Variants in NFIB observed in about 807,000 individuals in gnomAD.
The protein encoded by NFIB is nuclear factor I B.
In NFIB, 11 loss-of-function variants were observed where a neutral mutation model predicts 61.5. The observed-to-expected ratio is 0.18, with a 90% confidence interval of 0.11 to 0.30. The LOEUF (loss-of-function observed/expected upper bound fraction) is 0.30, where lower values mean the gene tolerates loss of function less well. Ranked by LOEUF, NFIB falls within the 10% of genes least tolerant of loss-of-function variation. The pLI is 1.00. For synonymous variants in NFIB, 260 were observed against 216.5 expected (o/e 1.20, Z -1.76); for missense variants, 471 against 608.9 (o/e 0.77, Z 2.38).
chr9:14,515,119 T>C, the NFIB span, among the ~76,000 whole-genome samples: 2 of 151,918 alleles, frequency 1.3e-5, no homozygotes, highest in African/African-American at 2.4e-5. Flanking sequence ...TGGCGGTTGT[T>C]AGAAAAAACT....
At chr9:14,453,011 A>T in the NFIB span, among the ~76,000 whole-genome samples, 1 of 152,216 alleles carries the variant, frequency 6.6e-6, no homozygotes, top group Non-Finnish European at 1.5e-5. Flanking sequence ...ATTGCTTTGT[A>T]ACGTGGTGCC....
chr9:14,100,553 CA>C (rs541928840), intron 10 of NFIB, among the ~76,000 whole-genome samples: 74 of 151,612 alleles, frequency 4.9e-4, no homozygotes, highest in Admixed American at 1.3e-3. Flanking sequence ...CTAAAAAATA[CA>C]AAAAAATTAG....
intron 3 of NFIB, among the ~76,000 whole-genome samples, chr9:14,163,297 A>G (rs1385998135): frequency 1.3e-5 from 2 of 152,054 alleles, no homozygotes; most frequent in Non-Finnish European, 2.9e-5. Context: ...GGGATAAAAT[A>G]AAATACATAA....
chr9:14,522,538 A>G, the NFIB span, among the ~76,000 whole-genome samples: 18 of 152,188 alleles, frequency 1.2e-4, no homozygotes, highest in African/African-American at 4.3e-4. Flanking sequence ...CCACGATTCC[A>G]CCTAACAGGA....
chr9:14,167,069 TTG>T (rs59482775), intron 3 of NFIB, among the ~76,000 whole-genome samples: 87,989 of 127,788 alleles, frequency 0.69, 30,639 homozygotes, highest in Middle Eastern at 0.77. Context: ...GGGCATATTG[TTG>T]TGTGTGTGTG....
rs373133545 is a variant in NFIB at position 14,085,421 on chromosome 9, A to G, written c.*2888T>C. ...GGCAAAATAAAACCAGCCTCCATTC[A>G]GCCTCTAGCCCTCAGGGGAAACGAA... On this transcript the variant is annotated 3_prime_UTR_variant, in exon 11 of 11. Transcript: ENST00000380953. 59 of 222,284 alleles carry G rather than the reference A, an allele frequency of 2.7e-4. No individual in the cohort carries two copies. The highest frequency in any genetic ancestry group is 9.0e-4 in the African/African-American group (40 of 44,672). 13.8% of individuals were successfully genotyped at this position (222,284 alleles called of 1,614,324 possible). A position where few individuals can be genotyped will look rare whatever the true frequency, so the allele number is the denominator to read the frequency against.
the NFIB span, among the ~76,000 whole-genome samples, chr9:14,407,841 G>A: frequency 1.4e-4 from 22 of 152,104 alleles, 1 homozygote; most frequent in Admixed American, 1.2e-3. Flanking sequence ...GTGTACCACC[G>A]TGCTCATCTA....
At chr9:14,487,548 C>T in the NFIB span, among the ~76,000 whole-genome samples, 345 of 152,226 alleles carry the variant, frequency 2.3e-3, 10 homozygotes, top group East Asian at 0.056. Flanking sequence ...CCTGACCCCA[C>T]CCCCAAATTC....
chr9:14,222,195 C>G (rs1197474303), intron 2 of NFIB, among the ~76,000 whole-genome samples: 1 of 152,180 alleles, frequency 6.6e-6, no homozygotes, highest in Non-Finnish European at 1.5e-5. Flanking sequence ...TACTAACTTT[C>G]AAGAACACAG....
intron 2 of NFIB, among the ~76,000 whole-genome samples, chr9:14,197,110 C>T (rs1450133102): frequency 6.6e-6 from 1 of 152,194 alleles, no homozygotes; most frequent in South Asian, 2.1e-4. Context: ...ATCTACATTA[C>T]TTTGCAATCC....
the NFIB span, among the ~76,000 whole-genome samples, chr9:14,423,164 A>T: frequency 6.6e-6 from 1 of 152,146 alleles, no homozygotes; most frequent in East Asian, 1.9e-4. Flanking sequence ...TACATACATC[A>T]TGTTTTATTT....
At chr9:14,236,522 G>A (rs1428759314) in intron 2 of NFIB, among the ~76,000 whole-genome samples, 2 of 152,208 alleles carry the variant, frequency 1.3e-5, no homozygotes, top group African/African-American at 2.4e-5. Context: ...TTAGGACGAT[G>A]CATGTGGAAT....
At chr9:14,126,887 T>C (rs530147799) in intron 6 of NFIB, among the ~76,000 whole-genome samples, 63 of 152,310 alleles carry the variant, frequency 4.1e-4, no homozygotes, top group South Asian at 2.1e-4. Context: ...ACCGAATGTA[T>C]GCCACATGCT....
At chr9:14,451,032 A>C in the NFIB span, among the ~76,000 whole-genome samples, 7 of 152,234 alleles carry the variant, frequency 4.6e-5, no homozygotes, top group African/African-American at 1.7e-4. Flanking sequence ...TATTTAGAGC[A>C]GGGATTTTGG....
intron 2 of NFIB, among the ~76,000 whole-genome samples, chr9:14,197,154 A>C (rs1353204418): frequency 3.9e-5 from 6 of 152,218 alleles, no homozygotes; most frequent in Non-Finnish European, 7.3e-5. Context: ...GACCCTTTAC[A>C]ATTACCAGAA....
At chr9:14,278,147 C>G (rs1442042265) in intron 2 of NFIB, among the ~76,000 whole-genome samples, 1 of 152,170 alleles carries the variant, frequency 6.6e-6, no homozygotes, top group Non-Finnish European at 1.5e-5. Flanking sequence ...TAATTAGAAT[C>G]AATGCAGTAA....
chr9:14,276,490 T>C (rs2058009271), intron 2 of NFIB, among the ~76,000 whole-genome samples: 1 of 152,138 alleles, frequency 6.6e-6, no homozygotes, highest in African/African-American at 2.4e-5. Context: ...TAAATTGTAA[T>C]ACAAATGTAC....
Position 14,205,897 on chromosome 9 carries a change from G to T in NFIB, c.563-26117C>A, listed in dbSNP as rs536123803. ...TAATGTCTCTTTAATCGTATATTTT[G>T]AATAATGTCTATTCTCCAGTAGTCA... is the stretch of plus-strand genomic sequence containing the variant. On this transcript the variant is annotated intron_variant, in intron 2 of 10. Transcript: ENST00000380953. Among the ~76,000 whole-genome samples the T allele has an allele frequency of 2.0e-4, 31 of 151,446 alleles. 1 individual carries two copies. In the South Asian group the frequency reaches 6.0e-3, roughly 29 times the overall value.
At chr9:14,123,908 T>C (rs548529824) in intron 7 of NFIB, among the ~76,000 whole-genome samples, 1 of 152,256 alleles carries the variant, frequency 6.6e-6, no homozygotes, top group South Asian at 2.1e-4. Flanking sequence ...CTTCCTAGTT[T>C]GTTGTTCCTT....
Sources: allele counts gnomAD v4.1 joint callset (sites outside exome capture counted in the v4.1 genomes callset), GRCh38; gene constraint gnomAD v4.1.1; transcripts MANE v1.5; gene names NCBI Gene and HGNC (gene_info 2026-07-23, HGNC 2026-07-21).